Variants in AGBL3 observed in about 807,000 individuals in gnomAD.
AGBL3 encodes cytosolic carboxypeptidase 3.
AGBL3 carries 68 observed loss-of-function variants against 94.5 expected under a neutral mutation model. The ratio of observed to expected loss-of-function variants is 0.72; its 90% CI spans 0.59 to 0.88. AGBL3 has a LOEUF of 0.88. Ranked by LOEUF, AGBL3 falls within the 40% of genes least tolerant of loss-of-function variation. AGBL3 has a pLI of 0.00. For synonymous variants in AGBL3, 354 were observed against 370.7 expected (o/e 0.95, Z 0.52); for missense variants, 934 against 1,103.8 (o/e 0.85, Z 2.18).
chr7:134,987,954 G>A lies in AGBL3; in HGVS notation c.21G>A (p.Lys7=). Residue 7 remains lysine (K), a synonymous_variant, in exon 2 of 17, where the codon AAG becomes AAA. Coordinates refer to ENST00000436302, the MANE Select transcript of AGBL3 (RefSeq NM_178563.4). The stretch of plus-strand genomic sequence containing the variant: ...AAAAGATGTCAGAAGATTCAGAAAA[G>A]GAAGACTATTCAGACAGAACAATCA... The part of the protein sequence containing the change: MSEDSE[K]EDYSDRTISD... 1 of 1,548,540 alleles carries A rather than the reference G, an allele frequency of 6.5e-7. No homozygotes were observed. Among genetic ancestry groups the A allele is most frequent in the South Asian group, 1.2e-5 (1 of 83,270 alleles).
chr7:135,078,398 A>G (rs1820648649), intron 13 of AGBL3, among the ~76,000 whole-genome samples: 1 of 152,224 alleles, frequency 6.6e-6, no homozygotes, highest in Non-Finnish European at 1.5e-5. Context: ...GGAATGTAAT[A>G]TGAATAGGAA....
intron 12 of AGBL3, among the ~76,000 whole-genome samples, chr7:135,070,174 A>C (rs1002552503): frequency 2.6e-5 from 4 of 151,788 alleles, no homozygotes; most frequent in Non-Finnish European, 5.9e-5. Context: ...GACTAAACCA[A>C]GAAGAAGTTG....
chr7:135,057,898 A>G (rs1818478131), intron 11 of AGBL3, among the ~76,000 whole-genome samples: 1 of 152,222 alleles, frequency 6.6e-6, no homozygotes, highest in Non-Finnish European at 1.5e-5. Context: ...GATCCCAGCT[A>G]TATGACACTG....
chr7:135,082,831 A>G (rs1293347808), intron 15 of AGBL3, among the ~76,000 whole-genome samples: 1 of 152,112 alleles, frequency 6.6e-6, no homozygotes, highest in African/African-American at 2.4e-5. Context: ...GAATACATAT[A>G]TGTATGTGTA....
Position 134,990,253 on chromosome 7 carries a change from A to G in AGBL3, c.124+943A>G, listed in dbSNP as rs550812870. On this transcript the variant is annotated intron_variant, in intron 3 of 16. Coordinates refer to ENST00000436302, the MANE Select transcript of AGBL3 (RefSeq NM_178563.4). ...AAGTGTTCCTGTGTCTCTGCAGTAG[A>G]TCCTCTCCTTCCAGGCTTCACCCCT... 3.3e-5 allele frequency among the ~76,000 whole-genome samples: 5 copies of G among 152,260 alleles called. No individual in the cohort carries two copies. The East Asian group carries it at 9.6e-4, about 29-fold the overall frequency.
At chr7:135,130,739 T>C (rs922165213) in intron 16 of AGBL3, among the ~76,000 whole-genome samples, 3 of 152,114 alleles carry the variant, frequency 2.0e-5, no homozygotes, top group Non-Finnish European at 4.4e-5. Flanking sequence ...CAGTCCTAAT[T>C]TTCTGAATTA....
At chr7:134,990,356 T>C (rs555543413) in intron 3 of AGBL3, among the ~76,000 whole-genome samples, 1 of 152,356 alleles carries the variant, frequency 6.6e-6, no homozygotes, top group East Asian at 1.9e-4. Context: ...GAATCATACA[T>C]TTTGTGTTTT....
chr7:135,011,519 T>C (rs199879383), intron 4 of AGBL3: 1 of 87,890 alleles, frequency 1.1e-5, no homozygotes. Flanking sequence ...AACTGACAAA[T>C]AGATCATTTC....
intron 4 of AGBL3, among the ~76,000 whole-genome samples, chr7:135,012,767 CACT>C (rs1351512728): frequency 6.6e-6 from 1 of 152,022 alleles, no homozygotes; most frequent in Non-Finnish European, 1.5e-5. Context: ...ACCTCTACCT[CACT>C]AGTAAACAAA....
intron 12 of AGBL3, 151 bp from the exon 13 acceptor site, chr7:135,076,246 T>C (rs1219602347): frequency 8.2e-6 from 5 of 607,542 alleles, no homozygotes; most frequent in South Asian, 1.9e-5. Flanking sequence ...GCTTCTTATA[T>C]GATACCCAGA....
Position 134,987,958 on chromosome 7 carries a change from G to A in AGBL3, c.25G>A (p.Asp9Asn), listed in dbSNP as rs902476141. MSEDSEKE[D>N]YSDRTISDED... ...GATGTCAGAAGATTCAGAAAAGGAA[G>A]ACTATTCAGACAGAACAATCAGTGA... The change falls in exon 2 of 17, where the codon GAC becomes AAC. Residue 9 changes from aspartate to asparagine, a missense_variant. Transcript: ENST00000436302. 2 of 1,547,862 alleles carry A rather than the reference G, an allele frequency of 1.3e-6. No individual in the cohort carries two copies. The highest frequency in any genetic ancestry group is 1.7e-6 in the Non-Finnish European group (2 of 1,145,686).
intron 4 of AGBL3, 56 bp downstream of exon 4, chr7:134,993,734 T>C: frequency 4.5e-6 from 6 of 1,337,292 alleles, no homozygotes; most frequent in Non-Finnish European, 4.9e-6. Flanking sequence ...TTTGCCAACC[T>C]TAATTTTAAT....
chr7:135,010,104 C>G, intron 4 of AGBL3: 1 of 420,424 alleles, frequency 2.4e-6, no homozygotes, highest in Non-Finnish European at 4.6e-6. Flanking sequence ...TCTCGGCTCA[C>G]TGCAACCTCC....
chr7:135,051,589 C>T (rs893850432), intron 11 of AGBL3, among the ~76,000 whole-genome samples: 23 of 151,870 alleles, frequency 1.5e-4, no homozygotes, highest in African/African-American at 5.3e-4. Context: ...GTTATTATTG[C>T]GTCTAGGTTT....
chr7:135,026,609 C>G (rs1815172083), intron 5 of AGBL3, among the ~76,000 whole-genome samples: 1 of 151,528 alleles, frequency 6.6e-6, no homozygotes, highest in African/African-American at 2.4e-5. Context: ...TTCTTTTTAT[C>G]TCTGGCATTA....
rs971516257 is a variant in AGBL3 at position 135,034,366 on chromosome 7, A to C, written c.775A>C (p.Ile259Leu). ...GGCTCATCACATTGGCTGGCAGAGA[A>C]TAGGAGACCAAATCAAGTATTATAG... ...AKAHHIGWQR[I>L]GDQIKYYRNN... The change falls in exon 7 of 17, where the codon ATA becomes CTA. Residue 259 changes from isoleucine (I) to leucine (L), a missense_variant. Coordinates refer to ENST00000436302, the MANE Select transcript of AGBL3 (RefSeq NM_178563.4). The C allele has an allele frequency of 6.4e-7, 1 of 1,551,686 alleles. No homozygotes were observed. Among genetic ancestry groups the C allele is most frequent in the Non-Finnish European group, 8.7e-7 (1 of 1,146,966 alleles).
chr7:135,092,352 T>C (rs1363020376), intron 15 of AGBL3: 2 of 152,252 alleles, frequency 1.3e-5, no homozygotes, highest in African/African-American at 4.8e-5. Context: ...CATAAAATTT[T>C]GTTGTCAACA....
intron 12 of AGBL3, among the ~76,000 whole-genome samples, chr7:135,068,174 G>A (rs867889793): frequency 1.1e-4 from 17 of 152,282 alleles, no homozygotes; most frequent in Middle Eastern, 3.4e-3. Context: ...AGTGAGAAGA[G>A]AAGTTTAGAG....
At chr7:135,121,567 A>C (rs1359841387) in intron 16 of AGBL3, among the ~76,000 whole-genome samples, 1 of 151,990 alleles carries the variant, frequency 6.6e-6, no homozygotes, top group Non-Finnish European at 1.5e-5. Context: ...AAAAAAAAAA[A>C]CCTAAACATT....
Sources: allele counts gnomAD v4.1 joint callset (sites outside exome capture counted in the v4.1 genomes callset), GRCh38; gene constraint gnomAD v4.1.1; transcripts MANE v1.5; gene names NCBI Gene and HGNC (gene_info 2026-07-23, HGNC 2026-07-21).